The following STAT3 variants were observed in gnomAD, a reference collection of about 807,000 sequenced individuals.
STAT3 encodes the protein signal transducer and activator of transcription 3.
Under a neutral mutation model 114.3 loss-of-function variants are expected in STAT3, and 7 were observed. The observed-to-expected ratio is 0.06, with a 90% CI of 0.03 to 0.11. The LOEUF is 0.11. STAT3 is among the 10% of genes least tolerant of loss of function. The probability of loss-of-function intolerance (pLI) is 1.00; values close to 1 mark genes in which losing one functional copy is unlikely to be tolerated. For missense variants in STAT3, 364 were observed against 960.9 expected (o/e 0.38, Z 8.21); for synonymous variants, 331 against 354.5 (o/e 0.93, Z 0.74).
intron 2 of STAT3, among the ~76,000 whole-genome samples, chr17:42,347,093 C>T (rs1010920735): frequency 1.4e-5 from 2 of 141,928 alleles, no homozygotes; most frequent in Non-Finnish European, 3.0e-5. Context: ...GAGGCTGAGG[C>T]GGGAGAATCG....
intron 1 of STAT3, among the ~76,000 whole-genome samples, chr17:42,372,540 A>T (rs989155118): frequency 1.3e-5 from 2 of 152,246 alleles, no homozygotes; most frequent in African/African-American, 4.8e-5. Context: ...AGTGGTTGCC[A>T]GTGGTTCAGC....
In STAT3 at chr17:42,324,733, A is replaced by G. The variant is rs1141122; in HGVS notation, c.1578T>C (p.Thr526=). The G allele has an allele frequency of 6.2e-7, 1 of 1,613,978 alleles. No individual in the cohort carries two copies. The highest frequency in any genetic ancestry group is 1.3e-5 in the African/African-American group (1 of 74,910). Residue 526 remains threonine, a synonymous_variant, in exon 17 of 24, where the codon ACT becomes ACC. Coordinates refer to ENST00000264657, the MANE Select transcript of STAT3 (RefSeq NM_139276.3). This position sits in a 1 kb window ranked among gnomAD's most constrained non-coding sequence, Gnocchi z 4.5. Reference sequence around the variant, plus strand: ...GACCCAAGAGTTTCTCTGCCAGTGTAGTCAGCTGCTCGATGCTCAGTCCTC... The same window carrying G: ...GACCCAAGAGTTTCTCTGCCAGTGTGGTCAGCTGCTCGATGCTCAGTCCTC... ...TKRGLSIEQL[T]TLAEKLLGPG...
Position 42,322,364 on chromosome 17 carries a change from G to A in STAT3, c.2019C>T (p.Leu673=). The A allele has an allele frequency of 6.2e-7, 1 of 1,614,222 alleles. No individual in the cohort carries two copies. The highest frequency in any genetic ancestry group is 8.5e-7 in the Non-Finnish European group (1 of 1,180,034). The change falls in exon 21 of 24, where the codon CTC becomes CTT. Residue 673 remains leucine (L), a synonymous_variant. Transcript: ENST00000264657. ...TNILVSPLVY[L]YPDIPKEEAF... ...CCTCCTCCTTGGGAATGTCAGGATA[G>A]AGATAGACCAGTGGAGACACCAGGA...
At chr17:42,318,965 GC>G (rs1329684938) in intron 21 of STAT3, among the ~76,000 whole-genome samples, 1 of 152,222 alleles carries the variant, frequency 6.6e-6, no homozygotes, top group South Asian at 2.1e-4. Flanking sequence ...CTGAGGCCAG[GC>G]ACAGTGGCTC....
At chr17:42,373,080 A>G (rs17885629) in intron 1 of STAT3, among the ~76,000 whole-genome samples, 59,708 of 152,030 alleles carry the variant, frequency 0.39, 11,976 homozygotes, top group South Asian at 0.48. Flanking sequence ...GACTGGCCGC[A>G]GTGGCTCACG....
At chr17:42,354,314 C>T (rs1011775219) in intron 1 of STAT3, among the ~76,000 whole-genome samples, 2 of 150,564 alleles carry the variant, frequency 1.3e-5, no homozygotes, top group Non-Finnish European at 3.0e-5. Flanking sequence ...GGACTACAGG[C>T]ATGCCCCACC....
rs1442943787 is a variant in STAT3, at chr17:42,339,385, T to G, written c.397A>C (p.Thr133Pro). 6.2e-7 allele frequency: 1 copy of G among 1,613,960 alleles called. No homozygotes were observed. The change falls in exon 5 of 24, where the codon ACA becomes CCA. Residue 133 changes from threonine (T) to proline (P), a missense_variant. Physicochemically the swap from Thr to Pro is conservative, Grantham distance 38. Around this residue, in one of 5 missense-constraint regions of STAT3, gnomAD observed 294 missense variants for 745.1 expected, o/e 0.39. Coordinates refer to ENST00000264657, the MANE Select transcript of STAT3 (RefSeq NM_139276.3). The part of the protein sequence containing the change: ...AQQGGQANHP[T>P]AAVVTEKQQM... ...TGCTTCTCCGTCACCACGGCTGCTG[T>G]GGGGTGGTTGGCCTGGCCCCCTTGC...
chr17:42,340,469 C>G (rs2144909462), intron 4 of STAT3, among the ~76,000 whole-genome samples: 1 of 151,308 alleles, frequency 6.6e-6, no homozygotes, highest in Non-Finnish European at 1.5e-5. Context: ...GAGTTTGAGA[C>G]CGGCCCAGGG....
At chr17:42,316,093 G>A in intron 23 of STAT3, 3 of 1,352,794 alleles carry the variant, frequency 2.2e-6, no homozygotes, top group Non-Finnish European at 1.9e-6. Context: ...TAATTCAGGA[G>A]CCCCGAGACA....
chr17:42,371,915 G>A (rs1186113662), intron 1 of STAT3, among the ~76,000 whole-genome samples: 5 of 151,976 alleles, frequency 3.3e-5, no homozygotes, highest in South Asian at 2.1e-4. Context: ...ACTGGGAGGC[G>A]GAGGCTGCAG....
chr17:42,378,088 C>T (rs955768405), intron 1 of STAT3, among the ~76,000 whole-genome samples: 4 of 149,440 alleles, frequency 2.7e-5, no homozygotes, highest in Admixed American at 2.0e-4. Context: ...CAGGTTCAAG[C>T]GATTCTCCTG....
intron 11 of STAT3, among the ~76,000 whole-genome samples, chr17:42,330,630 C>T (rs1219710670): frequency 5.3e-5 from 8 of 150,172 alleles, no homozygotes; most frequent in African/African-American, 2.0e-4. Context: ...GGGGTTTCAC[C>T]GTGTTACCCA....
At chr17:42,378,428 G>A (rs2084593757) in intron 1 of STAT3, among the ~76,000 whole-genome samples, 2 of 152,080 alleles carry the variant, frequency 1.3e-5, no homozygotes, top group African/African-American at 2.4e-5. Flanking sequence ...TGTATTTTCA[G>A]TAGAAACAGG....
intron 1 of STAT3, chr17:42,387,000 A>G (rs1351353821): frequency 6.6e-6 from 1 of 152,050 alleles, no homozygotes. Flanking sequence ...CCAAGTCATA[A>G]CACAGTCTAA....
In STAT3 at chr17:42,388,265, T is replaced by C. The variant is rs1175053243; in HGVS notation, c.-24+14A>G. The C allele has an allele frequency of 8.1e-6, 10 of 1,231,732 alleles. No individual in the cohort carries two copies. The highest frequency in any genetic ancestry group is 9.1e-6 in the Non-Finnish European group (9 of 988,030). The allele number at this position is 1,231,732 out of a possible 1,614,324, so 76.3% of individuals were successfully genotyped here. A position where few individuals can be genotyped will look rare whatever the true frequency, so the allele number is the denominator to read the frequency against. The stretch of plus-strand genomic sequence containing the variant: ...CCAGGCCTCCCCAACGGCCCCACCC[T>C]GCACCCCCTTCACCTGTTTCTCCGG... On this transcript the variant is annotated intron_variant, in intron 1 of 23. Transcript: ENST00000264657.
chr17:42,383,427 T>C, intron 1 of STAT3, among the ~76,000 whole-genome samples: 1 of 151,470 alleles, frequency 6.6e-6, no homozygotes, highest in Non-Finnish European at 1.5e-5. Context: ...GGTCTTGAAC[T>C]CCTGGGCTCA....
chr17:42,360,641 T>C lies in STAT3; in HGVS notation c.-23-12102A>G, dbSNP rs139154794. The stretch of plus-strand genomic sequence containing the variant: ...CCTAGGCAACAAGAGCAAAACTCCA[T>C]CTCAAAAAAAAAAAAAGAATTTTAG... On this transcript the variant is annotated intron_variant, in intron 1 of 23. Coordinates refer to ENST00000264657, the MANE Select transcript of STAT3 (RefSeq NM_139276.3). Among the ~76,000 whole-genome samples the C allele has an allele frequency of 8.6e-4, 127 of 148,098 alleles. 2 individuals are homozygous for C. In the East Asian group the frequency reaches 0.021, roughly 24 times the overall value.
At chr17:42,366,551 A>G (rs1430597007) in intron 1 of STAT3, among the ~76,000 whole-genome samples, 1 of 151,690 alleles carries the variant, frequency 6.6e-6, no homozygotes, top group Non-Finnish European at 1.5e-5. Flanking sequence ...CAAGCCTGTG[A>G]TCCCAGCTAC....
At chr17:42,376,550 A>G (rs2084476570) in intron 1 of STAT3, among the ~76,000 whole-genome samples, 1 of 151,284 alleles carries the variant, frequency 6.6e-6, no homozygotes, top group Non-Finnish European at 1.5e-5. Flanking sequence ...CATCTCAAAA[A>G]AAAAAAAAAA....
Sources: allele counts gnomAD v4.1 joint callset (sites outside exome capture counted in the v4.1 genomes callset), GRCh38; gene constraint gnomAD v4.1.1; regional missense constraint gnomAD v4.1.1; non-coding constraint Gnocchi (gnomAD v3.1); transcripts MANE v1.5; gene names NCBI Gene and HGNC (gene_info 2026-07-23, HGNC 2026-07-21).